The following LRRTM4 variants were observed in gnomAD, a reference collection of about 807,000 sequenced individuals.
The protein encoded by LRRTM4 is leucine rich repeat transmembrane neuronal 4, also known as leucine-rich repeat transmembrane neuronal protein 4.
LRRTM4 carries 25 observed loss-of-function variants against 47.6 expected under a neutral mutation model. The observed-to-expected ratio is 0.53, with a 90% CI of 0.38 to 0.73. LRRTM4 has a LOEUF of 0.73. Ranked by LOEUF, LRRTM4 falls within the 30% of genes least tolerant of loss-of-function variation. The pLI, the probability that LRRTM4 is intolerant of heterozygous loss-of-function variation, is 0.00. For synonymous variants in LRRTM4, 311 were observed against 269.5 expected (o/e 1.15, Z -1.51); for missense variants, 638 against 713.4 (o/e 0.89, Z 1.20).
At chr2:77,417,838 C>A (rs1298594683) in intron 3 of LRRTM4, among the ~76,000 whole-genome samples, 2 of 152,004 alleles carry the variant, frequency 1.3e-5, no homozygotes, top group African/African-American at 4.8e-5. Context: ...GTGCGGCACA[C>A]CAACATGGCA....
intron 3 of LRRTM4, among the ~76,000 whole-genome samples, chr2:76,819,866 G>C (rs992660348): frequency 6.6e-6 from 1 of 151,676 alleles, no homozygotes; most frequent in East Asian, 1.9e-4. Flanking sequence ...CCTACTTTTT[G>C]CTTTTTCAGG....
chr2:77,134,139 T>A (rs529353664), intron 3 of LRRTM4, among the ~76,000 whole-genome samples: 2 of 152,230 alleles, frequency 1.3e-5, no homozygotes, highest in Admixed American at 6.5e-5. Context: ...TATTTCATAC[T>A]GCAAATCCAA....
chr2:76,984,197 CATA>C (rs1179449796), intron 3 of LRRTM4, among the ~76,000 whole-genome samples: 1 of 152,016 alleles, frequency 6.6e-6, no homozygotes, highest in African/African-American at 2.4e-5. Context: ...CTGTGATACA[CATA>C]AGACAGCTTT....
At position 76,916,384 on chromosome 2, in the gene LRRTM4, C is replaced by CAAAAAA. The variant is rs57874749; in HGVS notation, c.1552-167474_1552-167469dup. Among the ~76,000 whole-genome samples the CAAAAAA allele has an allele frequency of 4.0e-3, 212 of 53,260 alleles. 6 individuals carry two copies. Among genetic ancestry groups the CAAAAAA allele is most frequent in the African/African-American group, 7.0e-3 (88 of 12,500 alleles). 34.9% of individuals were successfully genotyped at this position (53,260 alleles called of 152,430 possible). A position where few individuals can be genotyped will look rare whatever the true frequency, so the allele number is the denominator to read the frequency against. ...TGGGCGACAGAGCGAGACTGTGTCT[C>CAAAAAA]AAAAAAAAAAAAAAAAAAAAAAAGA... On this transcript the variant is annotated intron_variant, in intron 3 of 3. Transcript: ENST00000409884.
chr2:76,848,063 A>T (rs2103961650), intron 3 of LRRTM4, among the ~76,000 whole-genome samples: 1 of 152,184 alleles, frequency 6.6e-6, no homozygotes, highest in African/African-American at 2.4e-5. Context: ...CAGAGAGCTC[A>T]TTCTTCATTC....
rs1671911980 is a variant in LRRTM4 at position 77,354,831 on chromosome 2, A to G, written c.1551+163487T>C. On this transcript the variant is annotated intron_variant, in intron 3 of 3. Transcript: ENST00000409884. The stretch of plus-strand genomic sequence containing the variant: ...ACCTCTCAATCTACAGGCAAATGGC[A>G]GTGCTCAGAACAGAGTTACAGATCC... Among the ~76,000 whole-genome samples, 3 of 152,184 alleles carry G rather than the reference A, an allele frequency of 2.0e-5. No homozygotes were observed. In the South Asian group the frequency reaches 6.2e-4, roughly 32 times the overall value.
At position 77,457,004 on chromosome 2, in the gene LRRTM4, GTATATATATATATATATATATATATATA is replaced by G. The variant is rs1171771344; in HGVS notation, c.1551+61286_1551+61313del. On this transcript the variant is annotated intron_variant, in intron 3 of 3. Transcript: ENST00000409884. ...TATATATTAGTGTATGTGTGTGTGT[GTATATATATATATATATATATATATATA>G]TATATATATATATATATATGTATAA... is the stretch of plus-strand genomic sequence containing the variant. 4.3e-4 allele frequency among the ~76,000 whole-genome samples: 10 copies of G among 23,186 alleles called. 1 individual carries two copies. The highest frequency in any genetic ancestry group is 3.1e-3 in the South Asian group (3 of 966). The allele number at this position is 23,186 out of a possible 152,430, so 15.2% of individuals were successfully genotyped here.
At chr2:76,850,346 G>C (rs1311470870) in intron 3 of LRRTM4, among the ~76,000 whole-genome samples, 3 of 152,154 alleles carry the variant, frequency 2.0e-5, no homozygotes, top group Non-Finnish European at 2.9e-5. Context: ...GGAAGCAATT[G>C]TGTGGAAGAC....
At chr2:77,355,091 C>G (rs146361403) in intron 3 of LRRTM4, among the ~76,000 whole-genome samples, 14 of 152,304 alleles carry the variant, frequency 9.2e-5, no homozygotes, top group Non-Finnish European at 8.8e-5. Flanking sequence ...TTCCATATTA[C>G]AAACATTCCA....
chr2:77,162,140 A>G (rs1452987425), intron 3 of LRRTM4, among the ~76,000 whole-genome samples: 1 of 152,156 alleles, frequency 6.6e-6, no homozygotes, highest in African/African-American at 2.4e-5. Flanking sequence ...TGCTTTTCCA[A>G]TGGTCTTAGC....
chr2:77,193,716 G>A (rs1434863178), intron 3 of LRRTM4, among the ~76,000 whole-genome samples: 3 of 152,076 alleles, frequency 2.0e-5, no homozygotes, highest in Non-Finnish European at 4.4e-5. Context: ...CAAGAGAATC[G>A]CTTGAAGCCA....
rs1384172373 is a variant in LRRTM4, at chr2:76,748,307, C to T, written c.*388G>A. The T allele has an allele frequency of 5.9e-6, 1 of 169,642 alleles. No homozygotes were observed. Among genetic ancestry groups the T allele is most frequent in the African/African-American group, 2.4e-5 (1 of 41,830 alleles). The allele number at this position is 169,642 out of a possible 1,614,324, so 10.5% of individuals were successfully genotyped here. On this transcript the variant is annotated 3_prime_UTR_variant, in exon 4 of 4. Transcript: ENST00000409884. The stretch of plus-strand genomic sequence containing the variant: ...GGTTGTTTCCCTAGCTTCCCACCCA[C>T]CCCTGTTTATTTGCTCCCCTGTGGT...
At chr2:77,089,654 TTCC>T (rs1288182707) in intron 3 of LRRTM4, among the ~76,000 whole-genome samples, 4 of 151,734 alleles carry the variant, frequency 2.6e-5, no homozygotes, top group Admixed American at 2.6e-4. Flanking sequence ...CCACCCTCCA[TTCC>T]TCCTTCTACT....
intron 3 of LRRTM4, among the ~76,000 whole-genome samples, chr2:77,396,747 G>GA (rs1673720723): frequency 6.6e-6 from 1 of 151,344 alleles, no homozygotes; most frequent in Non-Finnish European, 1.5e-5. Context: ...ATGCACAATA[G>GA]TTTTTTTTTC....
intron 3 of LRRTM4, among the ~76,000 whole-genome samples, chr2:76,888,580 A>C (rs1558715898): frequency 2.0e-5 from 3 of 151,854 alleles, no homozygotes; most frequent in Admixed American, 1.3e-4. Context: ...AAGTAAAAAA[A>C]TTAATAGATA....
chr2:77,356,744 C>G (rs570910508), intron 3 of LRRTM4, among the ~76,000 whole-genome samples: 5 of 152,196 alleles, frequency 3.3e-5, no homozygotes, highest in Middle Eastern at 6.8e-3. Flanking sequence ...AACCAAAAAC[C>G]TGAAATCCAG....
At chr2:76,797,923 A>C (rs938555047) in intron 3 of LRRTM4, among the ~76,000 whole-genome samples, 1 of 151,212 alleles carries the variant, frequency 6.6e-6, no homozygotes, top group African/African-American at 2.4e-5. Flanking sequence ...TAACTATCCT[A>C]AATATATATG....
chr2:76,983,691 C>T (rs893045967), intron 3 of LRRTM4, among the ~76,000 whole-genome samples: 1 of 151,736 alleles, frequency 6.6e-6, no homozygotes, highest in East Asian at 1.9e-4. Context: ...CTCCTTTTTT[C>T]AAAATCATAC....
intron 3 of LRRTM4, among the ~76,000 whole-genome samples, chr2:77,133,453 A>G (rs1485531577): frequency 1.3e-5 from 2 of 152,230 alleles, no homozygotes; most frequent in Non-Finnish European, 2.9e-5. Flanking sequence ...AATTTGTCCA[A>G]TTAACTTTTT....
Sources: allele counts gnomAD v4.1 joint callset (sites outside exome capture counted in the v4.1 genomes callset), GRCh38; gene constraint gnomAD v4.1.1; transcripts MANE v1.5; gene names NCBI Gene and HGNC (gene_info 2026-07-23, HGNC 2026-07-21).